Variants in SH3RF3 observed in about 807,000 individuals in gnomAD.
SH3RF3 encodes the protein E3 ubiquitin-protein ligase SH3RF3.
A neutral mutation model predicts 66.3 loss-of-function variants in SH3RF3; 29 were observed. That is an observed-to-expected ratio of 0.44 (90% CI 0.33 to 0.60). SH3RF3 has a LOEUF of 0.60. Ranked by LOEUF, SH3RF3 falls within the 20% of genes least tolerant of loss-of-function variation. SH3RF3 has a pLI of 0.04. For missense variants in SH3RF3, 1,194 were observed against 1,190.9 expected, an observed-to-expected ratio of 1.00 and a Z score of -0.04; for synonymous variants, 583 against 532.0, an observed-to-expected ratio of 1.10 and a Z score of -1.32.
chr2:109,199,348 T>C (rs374021859), intron 1 of SH3RF3, among the ~76,000 whole-genome samples: 2 of 8 alleles, frequency 0.25, no homozygotes, highest in Non-Finnish European at 0.33. Flanking sequence ...TGGAATGGAA[T>C]GGAATGGAAT....
intron 1 of SH3RF3, among the ~76,000 whole-genome samples, chr2:109,277,433 A>C (rs1553497258): frequency 6.6e-6 from 1 of 152,188 alleles, no homozygotes; most frequent in Non-Finnish European, 1.5e-5. Flanking sequence ...CGACTGTATA[A>C]TTTCATAAGA....
At chr2:109,296,877 G>A (rs1681324217) in intron 1 of SH3RF3, among the ~76,000 whole-genome samples, 1 of 152,200 alleles carries the variant, frequency 6.6e-6, no homozygotes, top group Non-Finnish European at 1.5e-5. Context: ...CTATAGCATT[G>A]CCAGATGTTA....
At position 109,347,901 on chromosome 2, in the gene SH3RF3, C is replaced by T. The variant is rs376181550; in HGVS notation, c.801C>T (p.Phe267=). ...CCCAGGGAAAAGCACTTTATGATTTCGAGATGAAGGACAAAGACCAAGACA... is the reference window on the plus strand; with the variant it reads ...CCCAGGGAAAAGCACTTTATGATTTTGAGATGAAGGACAAAGACCAAGACA... ...APPQGKALYD[F]EMKDKDQDKD... The change falls in exon 2 of 10, where the codon TTC becomes TTT. Residue 267 remains phenylalanine (F), a synonymous_variant. Transcript: ENST00000309415. 21 of 1,611,024 alleles carry T rather than the reference C, an allele frequency of 1.3e-5. 1 individual carries two copies. Among genetic ancestry groups the T allele is most frequent in the South Asian group, 1.0e-4 (9 of 90,318 alleles).
chr2:109,156,255 C>T lies in SH3RF3; in HGVS notation c.573+26142C>T, dbSNP rs193176787. Among the ~76,000 whole-genome samples, 921 of 152,344 alleles carry T rather than the reference C, an allele frequency of 6.0e-3. 8 individuals are homozygous for T. The highest frequency in any genetic ancestry group is 0.015 in the South Asian group (73 of 4,832). On this transcript the variant is annotated intron_variant, in intron 1 of 9. Transcript: ENST00000309415. ...TGGCAGTGCTGCCTTGGCTCACACA[C>T]AGTCCAACCACCAGAGATCGAGTTG... is the stretch of plus-strand genomic sequence containing the variant.
chr2:109,406,831 A>C (rs1332974961), intron 4 of SH3RF3, among the ~76,000 whole-genome samples: 1 of 152,166 alleles, frequency 6.6e-6, no homozygotes, highest in Non-Finnish European at 1.5e-5. Flanking sequence ...GCCTCTGCTC[A>C]TGCGCATTTC....
intron 1 of SH3RF3, among the ~76,000 whole-genome samples, chr2:109,188,112 G>A (rs1357097373): frequency 6.6e-6 from 1 of 152,236 alleles, no homozygotes; most frequent in Non-Finnish European, 1.5e-5. Flanking sequence ...CGGTGCTCTC[G>A]GACATCTAAT....
At chr2:109,464,767 C>A (rs1262274232) in intron 8 of SH3RF3, among the ~76,000 whole-genome samples, 1 of 152,186 alleles carries the variant, frequency 6.6e-6, no homozygotes, top group East Asian at 1.9e-4. Context: ...TATCAATGGC[C>A]TACACCAAAG....
intron 8 of SH3RF3, among the ~76,000 whole-genome samples, chr2:109,461,463 G>A (rs28454571): frequency 0.041 from 4,331 of 106,442 alleles, 40 homozygotes; most frequent in African/African-American, 0.17. Flanking sequence ...CCACCTGCCA[G>A]AGGCCCCACG....
intron 1 of SH3RF3, among the ~76,000 whole-genome samples, chr2:109,169,883 T>C (rs1558937838): frequency 6.6e-6 from 1 of 152,150 alleles, no homozygotes; most frequent in Admixed American, 6.5e-5. Context: ...TCCCTCCCAC[T>C]GGCACCTGGC....
rs189905015 is a variant in SH3RF3, at chr2:109,240,940, C to T, written c.574-106734C>T. Among the ~76,000 whole-genome samples, 1,110 of 140,872 alleles carry T rather than the reference C, an allele frequency of 7.9e-3. 8 individuals carry two copies. The highest frequency in any genetic ancestry group is 0.025 in the South Asian group (110 of 4,348). 92.4% of individuals were successfully genotyped at this position (140,872 alleles called of 152,430 possible). ...TCTTTTCTCATGTTCCATCTTCTTT[C>T]TCCCTCACCTCCTTATAATCCACAT... On this transcript the variant is annotated intron_variant, in intron 1 of 9. Coordinates refer to ENST00000309415, the MANE Select transcript of SH3RF3 (RefSeq NM_001099289.3).
intron 1 of SH3RF3, among the ~76,000 whole-genome samples, chr2:109,185,382 G>C (rs1216882302): frequency 6.6e-6 from 1 of 152,218 alleles, no homozygotes; most frequent in East Asian, 1.9e-4. Context: ...GAAGACAGCT[G>C]TGCTTTTTAT....
intron 1 of SH3RF3, among the ~76,000 whole-genome samples, chr2:109,181,984 A>G (rs1393713599): frequency 2.6e-5 from 4 of 152,182 alleles, no homozygotes; most frequent in African/African-American, 9.7e-5. Context: ...ATGTTTGCTC[A>G]TTGCTCAGGG....
chr2:109,264,066 C>G (rs2105298330), intron 1 of SH3RF3, among the ~76,000 whole-genome samples: 1 of 152,370 alleles, frequency 6.6e-6, no homozygotes, highest in African/African-American at 2.4e-5. Flanking sequence ...GCTGTTCCAG[C>G]TCCTCCCTGT....
At chr2:109,133,146 G>C (rs1676735600) in intron 1 of SH3RF3, among the ~76,000 whole-genome samples, 1 of 152,212 alleles carries the variant, frequency 6.6e-6, no homozygotes, top group African/African-American at 2.4e-5. Flanking sequence ...CGTGGGCACT[G>C]ACCGGTGTCA....
At chr2:109,434,785 T>C (rs1271225852) in intron 6 of SH3RF3, among the ~76,000 whole-genome samples, 2 of 152,232 alleles carry the variant, frequency 1.3e-5, no homozygotes, top group Non-Finnish European at 2.9e-5. Context: ...GCAATAGCCA[T>C]CTCCAGCCTT....
At chr2:109,386,041 G>A (rs1675814132) in intron 3 of SH3RF3, among the ~76,000 whole-genome samples, 1 of 152,204 alleles carries the variant, frequency 6.6e-6, no homozygotes, top group Non-Finnish European at 1.5e-5. Flanking sequence ...TGAGGGATGA[G>A]CTGGAATGGA....
intron 1 of SH3RF3, among the ~76,000 whole-genome samples, chr2:109,244,139 C>T: frequency 6.6e-6 from 1 of 151,920 alleles, no homozygotes; most frequent in East Asian, 1.9e-4. Flanking sequence ...AGCAAATCCT[C>T]TGTAGCTATT....
At chr2:109,294,748 G>A (rs1237238749) in intron 1 of SH3RF3, among the ~76,000 whole-genome samples, 1 of 152,190 alleles carries the variant, frequency 6.6e-6, no homozygotes, top group Non-Finnish European at 1.5e-5. Context: ...CCACACCCAA[G>A]AAAGGGGCAG....
chr2:109,479,152 G>A (rs1376013546), intron 8 of SH3RF3, among the ~76,000 whole-genome samples: 2 of 152,170 alleles, frequency 1.3e-5, no homozygotes, highest in Admixed American at 1.3e-4. Context: ...TGGCGACTGG[G>A]TTCCGAGAGT....
Sources: gnomAD v4.1 joint callset for allele counts (sites outside exome capture counted in the v4.1 genomes callset) on GRCh38, gnomAD v4.1.1 for gene constraint, MANE v1.5 for transcripts, NCBI Gene and HGNC (gene_info 2026-07-23, HGNC 2026-07-21) for gene names.